FGF12: variants seen among roughly 807,000 people sequenced by gnomAD.
FGF12 encodes fibroblast growth factor 12, also known as fibroblast growth factor 12B.
Under a neutral mutation model 23.6 loss-of-function variants are expected in FGF12, and 14 were observed. The ratio of observed to expected loss-of-function variants is 0.59; its 90% CI spans 0.39 to 0.93. The LOEUF is 0.93. Among genes scored for constraint, FGF12 ranks in the 40% least tolerant of loss-of-function variants. The pLI is 0.00. For missense variants in FGF12, 175 were observed against 217.8 expected (o/e 0.80, Z 1.24); for synonymous variants, 62 against 77.3 (o/e 0.80, Z 1.04).
intron 2 of FGF12, among the ~76,000 whole-genome samples, chr3:192,619,183 A>G (rs1427028926): frequency 2.6e-4 from 39 of 152,028 alleles, no homozygotes; most frequent in Non-Finnish European, 7.4e-5. Flanking sequence ...TGTAACCTCT[A>G]TCAGGCAAAT....
chr3:192,480,431 C>G (rs1358524525), intron 2 of FGF12, among the ~76,000 whole-genome samples: 1 of 152,180 alleles, frequency 6.6e-6, no homozygotes, highest in Non-Finnish European at 1.5e-5. Context: ...TCTAGGAAGT[C>G]ACTCATTGTA....
chr3:192,571,721 G>A (rs187444953), intron 2 of FGF12, among the ~76,000 whole-genome samples: 2 of 152,288 alleles, frequency 1.3e-5, no homozygotes. Flanking sequence ...CTCCTCAAAC[G>A]CCAAAGCAGC....
chr3:192,180,451 C>CT (rs1166851451), intron 4 of FGF12, among the ~76,000 whole-genome samples: 1 of 152,166 alleles, frequency 6.6e-6, no homozygotes, highest in Non-Finnish European at 1.5e-5. Context: ...GTGCACAATA[C>CT]GTAATCATGT....
At chr3:192,256,888 T>C (rs1420378085) in intron 4 of FGF12, among the ~76,000 whole-genome samples, 5 of 152,154 alleles carry the variant, frequency 3.3e-5, no homozygotes, top group African/African-American at 9.6e-5. Flanking sequence ...TGGATCTGGT[T>C]AGTGACTATA....
chr3:192,660,721 T>A lies in FGF12; in HGVS notation c.13+66460A>T, dbSNP rs972513537. Among the ~76,000 whole-genome samples the A allele has an allele frequency of 2.6e-5, 4 of 152,140 alleles. No individual in the cohort carries two copies. The East Asian group carries it at 7.7e-4, about 29-fold the overall frequency. ...TGGAAGCAGGAGATACTTCCTTATTTAGGCAGAACCATACTAATAGACCTC... is the reference window on the plus strand; with the variant it reads ...TGGAAGCAGGAGATACTTCCTTATTAAGGCAGAACCATACTAATAGACCTC... On this transcript the variant is annotated intron_variant, in intron 2 of 5. Transcript: ENST00000445105.
chr3:192,338,809 A>G (rs1278271650), intron 3 of FGF12, among the ~76,000 whole-genome samples: 2 of 152,206 alleles, frequency 1.3e-5, no homozygotes, highest in Non-Finnish European at 2.9e-5. Flanking sequence ...TGCTAATGAA[A>G]GCAGAATTAA....
At position 192,444,535 on chromosome 3, in the gene FGF12, G is replaced by C. The variant is rs140642815; in HGVS notation, c.14-83997C>G. On this transcript the variant is annotated intron_variant, in intron 2 of 5. Transcript: ENST00000445105. ...TCAGCATTAGACAAGACTGGAACCA[G>C]TGGGGAAAAAAGCAGAGTATATTGT... 3.2e-4 allele frequency among the ~76,000 whole-genome samples: 49 copies of C among 152,230 alleles called. No homozygotes were observed. The East Asian group carries it at 3.3e-3, about 10-fold the overall frequency.
intron 2 of FGF12, among the ~76,000 whole-genome samples, chr3:192,548,285 T>C (rs183069666): frequency 5.3e-5 from 8 of 152,286 alleles, no homozygotes; most frequent in African/African-American, 1.9e-4. Flanking sequence ...TCCCGAAGCA[T>C]TGATACACAT....
At chr3:192,645,550 C>T (rs4592975) in intron 2 of FGF12, among the ~76,000 whole-genome samples, 86,683 of 151,670 alleles carry the variant, frequency 0.57, 25,169 homozygotes, top group East Asian at 0.67. Flanking sequence ...CTGCTGACTT[C>T]GGTGTACATG....
At chr3:192,208,562 A>T (rs1717769090) in intron 4 of FGF12, among the ~76,000 whole-genome samples, 1 of 152,222 alleles carries the variant, frequency 6.6e-6, no homozygotes, top group Non-Finnish European at 1.5e-5. Context: ...TATAAAAGAA[A>T]AACTATTTTA....
At chr3:192,439,976 G>GAAAAAA (rs5855427) in intron 2 of FGF12, among the ~76,000 whole-genome samples, 18 of 114,166 alleles carry the variant, frequency 1.6e-4, no homozygotes, top group African/African-American at 6.0e-4. Flanking sequence ...ACTCCATATG[G>GAAAAAA]AAAAAAAAAA....
At chr3:192,635,866 C>T (rs1221836718) in intron 2 of FGF12, among the ~76,000 whole-genome samples, 1 of 152,126 alleles carries the variant, frequency 6.6e-6, no homozygotes, top group Non-Finnish European at 1.5e-5. Context: ...ATCATATAAT[C>T]TCATGATCAG....
At chr3:192,523,694 T>C (rs1306751962) in intron 2 of FGF12, among the ~76,000 whole-genome samples, 1 of 152,242 alleles carries the variant, frequency 6.6e-6, no homozygotes, top group Non-Finnish European at 1.5e-5. Context: ...TCATTTCTAT[T>C]CACTGCACAT....
intron 2 of FGF12, among the ~76,000 whole-genome samples, chr3:192,564,896 T>C (rs991221406): frequency 9.9e-5 from 15 of 152,250 alleles, no homozygotes; most frequent in African/African-American, 3.6e-4. Context: ...TTGGTTCTAA[T>C]CTACTCTCCA....
intron 4 of FGF12, among the ~76,000 whole-genome samples, chr3:192,326,082 A>G (rs1278006669): frequency 6.6e-6 from 1 of 152,200 alleles, no homozygotes; most frequent in East Asian, 1.9e-4. Flanking sequence ...ACTTCAGCAG[A>G]TGTCTGAACA....
At chr3:192,512,583 AT>A (rs1412238016) in intron 2 of FGF12, among the ~76,000 whole-genome samples, 3 of 151,782 alleles carry the variant, frequency 2.0e-5, no homozygotes, top group African/African-American at 7.3e-5. Flanking sequence ...CAGCAAGGCC[AT>A]GTTAGTTACA....
At chr3:192,720,257 T>C (rs1716122553) in intron 2 of FGF12, among the ~76,000 whole-genome samples, 1 of 152,234 alleles carries the variant, frequency 6.6e-6, no homozygotes, top group South Asian at 2.1e-4. Flanking sequence ...TTTTCAATCA[T>C]TAGTAATGGG....
chr3:192,671,896 T>C (rs1178220151), intron 2 of FGF12, among the ~76,000 whole-genome samples: 2 of 152,126 alleles, frequency 1.3e-5, no homozygotes, highest in African/African-American at 4.8e-5. Flanking sequence ...ACAAGTTTAG[T>C]TTAAAGGAAT....
intron 2 of FGF12, among the ~76,000 whole-genome samples, chr3:192,621,330 A>G (rs1236879104): frequency 6.6e-6 from 1 of 152,160 alleles, no homozygotes; most frequent in Admixed American, 6.5e-5. Flanking sequence ...GGTAAAAGTT[A>G]CTGTGTGAAA....
Sources: gnomAD v4.1 joint callset for allele counts (sites outside exome capture counted in the v4.1 genomes callset) on GRCh38, gnomAD v4.1.1 for gene constraint, MANE v1.5 for transcripts, NCBI Gene and HGNC (gene_info 2026-07-23, HGNC 2026-07-21) for gene names.